Variants in FLI1 observed in about 807,000 individuals in gnomAD.
FLI1 encodes the protein Friend leukemia integration 1 transcription factor.
FLI1 carries 13 observed loss-of-function variants against 53.1 expected under a neutral mutation model. The ratio of observed to expected loss-of-function variants is 0.24; its 90% CI spans 0.16 to 0.39. The LOEUF (loss-of-function observed/expected upper bound fraction) is 0.39. Ranked by LOEUF, FLI1 falls within the 10% of genes least tolerant of loss-of-function variation. The probability of loss-of-function intolerance (pLI) is 1.00; values close to 1 mark genes in which losing one functional copy is unlikely to be tolerated. For missense variants in FLI1, 424 were observed against 600.5 expected (o/e 0.71, Z 3.07); for synonymous variants, 244 against 236.7 (o/e 1.03, Z -0.28).
upstream of FLI1, chr11:128,692,830 G>C (rs1235222774): frequency 6.6e-6 from 1 of 152,234 alleles, no homozygotes; most frequent in African/African-American, 2.4e-5. Context: ...CGGGAGAAGG[G>C]AGTCCGGCCG....
At chr11:128,713,822 G>A (rs1003316272) in intron 1 of FLI1, among the ~76,000 whole-genome samples, 2 of 152,064 alleles carry the variant, frequency 1.3e-5, no homozygotes, top group African/African-American at 2.4e-5. Flanking sequence ...CTTCCAATAA[G>A]TCTTTACTGG....
intron 1 of FLI1, among the ~76,000 whole-genome samples, chr11:128,718,352 T>C (rs1332642247): frequency 6.6e-6 from 1 of 152,212 alleles, no homozygotes; most frequent in Non-Finnish European, 1.5e-5. Flanking sequence ...CTAACCTTAG[T>C]TTCCTCATCT....
At chr11:128,809,529 C>T (rs1942882588) in intron 8 of FLI1, among the ~76,000 whole-genome samples, 1 of 152,206 alleles carries the variant, frequency 6.6e-6, no homozygotes, top group African/African-American at 2.4e-5. Context: ...AAGAAGACAA[C>T]TCCACTCAGC....
At chr11:128,797,296 T>C (rs1253949227) in intron 5 of FLI1, among the ~76,000 whole-genome samples, 1 of 152,230 alleles carries the variant, frequency 6.6e-6, no homozygotes, top group Non-Finnish European at 1.5e-5. Flanking sequence ...TGCTGTCAAG[T>C]TTCTTAGCTA....
At chr11:128,799,854 G>T (rs962242573) in intron 5 of FLI1, among the ~76,000 whole-genome samples, 1 of 152,308 alleles carries the variant, frequency 6.6e-6, no homozygotes, top group East Asian at 1.9e-4. Flanking sequence ...GGCTGGGAGA[G>T]GCTGCTCCTC....
chr11:128,747,379 T>C (rs992779641), intron 1 of FLI1, among the ~76,000 whole-genome samples: 8 of 152,232 alleles, frequency 5.3e-5, no homozygotes, highest in Admixed American at 4.6e-4. Flanking sequence ...GCACTTGTGC[T>C]GGTGCATCCA....
At chr11:128,748,036 ACCAC>A (rs1940478401) in intron 1 of FLI1, among the ~76,000 whole-genome samples, 1 of 152,232 alleles carries the variant, frequency 6.6e-6, no homozygotes, top group Non-Finnish European at 1.5e-5. Context: ...AAAGGTAAAT[ACCAC>A]GGGAGACCTG....
intron 2 of FLI1, among the ~76,000 whole-genome samples, chr11:128,765,391 A>G (rs949756663): frequency 1.3e-5 from 2 of 152,178 alleles, no homozygotes; most frequent in African/African-American, 2.4e-5. Context: ...ACTTCTCTGC[A>G]CAGCAAGAGG....
At chr11:128,801,521 G>T (rs1370029050) in intron 5 of FLI1, among the ~76,000 whole-genome samples, 1 of 152,192 alleles carries the variant, frequency 6.6e-6, no homozygotes, top group Non-Finnish European at 1.5e-5. Flanking sequence ...CTTCCCTGTG[G>T]GAACAAGCTT....
intron 4 of FLI1, among the ~76,000 whole-genome samples, chr11:128,780,144 C>T (rs186881861): frequency 1.3e-5 from 2 of 152,292 alleles, no homozygotes; most frequent in East Asian, 3.9e-4. Context: ...CCAAATGTAG[C>T]TGGCTCTTGG....
At chr11:128,717,035 T>TA (rs1939043472) in intron 1 of FLI1, among the ~76,000 whole-genome samples, 2 of 152,114 alleles carry the variant, frequency 1.3e-5, no homozygotes, top group Non-Finnish European at 2.9e-5. Flanking sequence ...GCATGCTGTG[T>TA]AATTTTCCAA....
intron 1 of FLI1, among the ~76,000 whole-genome samples, chr11:128,719,479 T>C (rs1054245891): frequency 2.6e-5 from 4 of 151,762 alleles, no homozygotes; most frequent in Non-Finnish European, 5.9e-5. Flanking sequence ...AGATGTGACA[T>C]TGTGAAGTTG....
intron 5 of FLI1, among the ~76,000 whole-genome samples, chr11:128,800,753 T>C (rs1204547448): frequency 6.6e-6 from 1 of 152,218 alleles, no homozygotes; most frequent in African/African-American, 2.4e-5. Context: ...AAGGACATCA[T>C]ATATGTGAGG....
intron 4 of FLI1, among the ~76,000 whole-genome samples, chr11:128,776,723 C>T (rs370480676): frequency 9.9e-5 from 15 of 152,144 alleles, no homozygotes; most frequent in South Asian, 4.1e-4. Flanking sequence ...CCACTGAGGC[C>T]CAGACAGCTT....
rs549974772 is a variant in FLI1 at position 128,812,712 on chromosome 11, G to C, written c.*1724G>C. ...AAAGCGAGCTGGTCTATCCAGACTG[G>C]TCTGTGAGATTTAACTCTGCAGCCT... On this transcript the variant is annotated 3_prime_UTR_variant, in exon 9 of 9. Transcript: ENST00000527786. 8.4e-4 allele frequency: 184 copies of C among 219,210 alleles called. No individual in the cohort carries two copies. The Middle Eastern group carries it at 0.01, about 12-fold the overall frequency. 13.6% of individuals were successfully genotyped at this position (219,210 alleles called of 1,614,324 possible).
intron 1 of FLI1, among the ~76,000 whole-genome samples, chr11:128,723,810 A>G (rs1335221270): frequency 6.6e-6 from 1 of 152,186 alleles, no homozygotes; most frequent in African/African-American, 2.4e-5. Context: ...ACTAAAAACA[A>G]GTGCTTTCAT....
rs375790945 is a variant in FLI1 at position 128,790,901 on chromosome 11, C to CTCAGATG, written c.655+8881_655+8887dup. 8.2e-3 allele frequency among the ~76,000 whole-genome samples: 1,242 copies of CTCAGATG among 152,266 alleles called. 10 individuals are homozygous for CTCAGATG. Among genetic ancestry groups the CTCAGATG allele is most frequent in the Non-Finnish European group, 0.012 (837 of 68,022 alleles). On this transcript the variant is annotated intron_variant, in intron 5 of 8. Transcript: ENST00000527786. ...ACCATACATCCCACTGTGGAGGGAA[C>CTCAGATG]TCAGATGTCCTCAAAGCTACCAGAG...
chr11:128,740,909 G>A (rs988438577), intron 1 of FLI1, among the ~76,000 whole-genome samples: 1 of 152,204 alleles, frequency 6.6e-6, no homozygotes, highest in Non-Finnish European at 1.5e-5. Context: ...GTGGAGAGAT[G>A]AGGAAGGAGA....
chr11:128,798,672 G>C (rs914323898), intron 5 of FLI1, among the ~76,000 whole-genome samples: 2 of 152,154 alleles, frequency 1.3e-5, no homozygotes, highest in African/African-American at 4.8e-5. Context: ...CAAGTTTGGG[G>C]AAAGCGTTCC....
Sources: gnomAD v4.1 joint callset for allele counts (sites outside exome capture counted in the v4.1 genomes callset) on GRCh38, gnomAD v4.1.1 for gene constraint, MANE v1.5 for transcripts, NCBI Gene and HGNC (gene_info 2026-07-23, HGNC 2026-07-21) for gene names.